Variants in PAK3 observed in about 807,000 individuals in gnomAD.
PAK3 encodes p21 (RAC1) activated kinase 3.
Under a neutral mutation model 41.0 loss-of-function variants are expected in PAK3, and 4 were observed. The ratio of observed to expected loss-of-function variants is 0.10; its 90% CI spans 0.05 to 0.22. The LOEUF (loss-of-function observed/expected upper bound fraction) is 0.22. PAK3 is among the 10% of genes least tolerant of loss of function. PAK3 has a pLI of 1.00. For synonymous variants in PAK3, 146 were observed against 139.6 expected (o/e 1.05, Z -0.32); for missense variants, 205 against 409.9 (o/e 0.50, Z 4.32).
chrX:111,194,231 G>A (rs2094589591), intron 13 of PAK3, 70 bp from the exon 14 acceptor site: 2 of 641,605 alleles, frequency 3.1e-6, no homozygotes, highest in Non-Finnish European at 5.3e-6. Flanking sequence ...TCAGAACTGA[G>A]GCCTGGGAAT....
intron 14 of PAK3, among the ~76,000 whole-genome samples, chrX:111,194,823 T>A (rs751348171): frequency 2.6e-4 from 29 of 112,144 alleles, no homozygotes; most frequent in South Asian, 1.1e-3. Context: ...TTTCATCATT[T>A]TTAGAAGGCA....
intron 1 of PAK3, among the ~76,000 whole-genome samples, chrX:111,043,792 G>A (rs1430375799): frequency 9.0e-6 from 1 of 111,546 alleles, no homozygotes; most frequent in African/African-American, 3.3e-5. Context: ...TGGAGCCCTA[G>A]TTTTCTGTGG....
intron 17 of PAK3, among the ~76,000 whole-genome samples, chrX:111,219,943 G>A (rs2094913615): frequency 8.9e-6 from 1 of 111,957 alleles, no homozygotes; most frequent in South Asian, 3.8e-4. Flanking sequence ...GTACTGCAGA[G>A]GGGCCAAAAG....
chrX:111,010,297 GAATTAGAGCTCCCTAGGAGCTCT>G (rs2091992957), intron 1 of PAK3, among the ~76,000 whole-genome samples: 1 of 111,763 alleles, frequency 8.9e-6, no homozygotes, highest in Non-Finnish European at 1.9e-5. Context: ...TCATGCTGGG[GAATTAGAGCTCCCTAGGAGCTCT>G]GTGATAACCC....
intron 1 of PAK3, among the ~76,000 whole-genome samples, chrX:110,998,470 A>G (rs1034485002): frequency 8.9e-6 from 1 of 112,195 alleles, no homozygotes. Context: ...TCTTGATCAG[A>G]GCAGTGATAA....
At chrX:111,180,835 T>A (rs923245902) in intron 11 of PAK3, among the ~76,000 whole-genome samples, 14 of 112,219 alleles carry the variant, frequency 1.2e-4, no homozygotes, top group Non-Finnish European at 2.6e-4. Flanking sequence ...AATTTGTTTT[T>A]GATGTTTTGC....
At chrX:111,049,189 G>C (rs754683389) in intron 1 of PAK3, among the ~76,000 whole-genome samples, 84 of 112,147 alleles carry the variant, frequency 7.5e-4, no homozygotes, top group African/African-American at 2.6e-3. Context: ...TCTCAGCATA[G>C]ATGTCACTTC....
chrX:111,163,445 T>TAGCTGAAAAGTA, intron 9 of PAK3, 117 bp from the exon 10 acceptor site: 1 of 576,461 alleles, frequency 1.7e-6, no homozygotes, highest in South Asian at 2.7e-5. Flanking sequence ...TCAAAGTCCT[T>TAGCTGAAAAGTA]TTTTTTTTTA....
chrX:110,971,289 CT>C (rs1410393899), intron 1 of PAK3, among the ~76,000 whole-genome samples: 3 of 112,238 alleles, frequency 2.7e-5, no homozygotes, highest in Non-Finnish European at 3.8e-5. Flanking sequence ...TCCAGTTGGT[CT>C]CTATAGATTT....
chrX:111,215,098 GCTCT>G (rs2094863145), intron 16 of PAK3, among the ~76,000 whole-genome samples: 1 of 111,708 alleles, frequency 9.0e-6, no homozygotes, highest in Non-Finnish European at 1.9e-5. Flanking sequence ...CTGTACTGTA[GCTCT>G]CTATATATGT....
At chrX:111,174,925 G>A (rs762630074) in intron 11 of PAK3, among the ~76,000 whole-genome samples, 5 of 110,810 alleles carry the variant, frequency 4.5e-5, no homozygotes, top group African/African-American at 9.8e-5. Flanking sequence ...TTCTAGAGCC[G>A]TTTTCTCCCA....
intron 11 of PAK3, 41 bp downstream of exon 11, chrX:111,173,122 G>A (rs1452390133): frequency 1.6e-6 from 1 of 634,624 alleles, no homozygotes; most frequent in African/African-American, 2.2e-5. Context: ...ATGAGTACAA[G>A]CAACATACAT....
At position 111,052,665 on chromosome X, in the gene PAK3, T is replaced by G. The variant is rs969588320; in HGVS notation, c.-27-70412T>G. Among the ~76,000 whole-genome samples, 7 of 112,549 alleles carry G rather than the reference T, an allele frequency of 6.2e-5. No homozygotes were observed. The East Asian group carries it at 2.0e-3, about 32-fold the overall frequency. ...AGCTACTGAGTGATAGAGAAAGGATTTGAAGCAAGGTTCTCTAACCTCAGA... is the reference window on the plus strand; with the variant it reads ...AGCTACTGAGTGATAGAGAAAGGATGTGAAGCAAGGTTCTCTAACCTCAGA... On this transcript the variant is annotated intron_variant, in intron 1 of 14. Transcript: ENST00000425146.
intron 1 of PAK3, among the ~76,000 whole-genome samples, chrX:111,062,246 C>T (rs781429046): frequency 4.5e-5 from 5 of 111,835 alleles, no homozygotes; most frequent in Non-Finnish European, 9.4e-5. Context: ...TGTTAATGAT[C>T]ACCCCTTTCT....
At chrX:111,144,136 CA>C (rs754401859) in intron 6 of PAK3, among the ~76,000 whole-genome samples, 40 of 111,703 alleles carry the variant, frequency 3.6e-4, no homozygotes, top group African/African-American at 1.2e-3. Context: ...AATTAGAACC[CA>C]AAGAACCCAA....
rs2297874 is a variant in PAK3, at chrX:111,130,498, A to G, written c.175+7220A>G. ...ATTCCAGATAGGCTAATTGGATGCT[A>G]TAGGTTACTAAGAGTGACATTTTCT... On this transcript the variant is annotated intron_variant, in intron 5 of 17. Coordinates refer to ENST00000372007, the MANE Select transcript of PAK3 (RefSeq NM_002578.5). 2.7e-3 allele frequency among the ~76,000 whole-genome samples: 299 copies of G among 112,175 alleles called. 3 individuals are homozygous for G. The East Asian group carries it at 0.034, about 13-fold the overall frequency.
Position 111,105,400 on chromosome X carries a change from C to T in PAK3, c.-28+2094C>T, listed in dbSNP as rs779502811. On this transcript the variant is annotated intron_variant, in intron 4 of 17. Transcript: ENST00000372007. ...ACACAAATAATACATTGACATTCCC[C>T]CTGCACACACTCCAACTGTTTCTTA... Among the ~76,000 whole-genome samples, 74 of 111,439 alleles carry T rather than the reference C, an allele frequency of 6.6e-4. 1 individual carries two copies. The highest frequency in any genetic ancestry group is 1.1e-3 in the Non-Finnish European group (57 of 53,038).
chrX:111,021,591 A>G (rs1271756870), intron 1 of PAK3, among the ~76,000 whole-genome samples: 1 of 110,989 alleles, frequency 9.0e-6, no homozygotes, highest in East Asian at 2.9e-4. Flanking sequence ...CAGAAAAACA[A>G]TTCTGGTAAT....
intron 1 of PAK3, among the ~76,000 whole-genome samples, chrX:111,090,178 C>T (rs1321054021): frequency 9.0e-6 from 1 of 111,113 alleles, no homozygotes; most frequent in Admixed American, 9.6e-5. Context: ...TTGGCCATGC[C>T]CTACCATCTT....
Sources: allele counts gnomAD v4.1 joint callset (sites outside exome capture counted in the v4.1 genomes callset), GRCh38; gene constraint gnomAD v4.1.1; transcripts MANE v1.5; gene names NCBI Gene and HGNC (gene_info 2026-07-23, HGNC 2026-07-21).